The following BCL9 variants were observed in gnomAD, a reference collection of about 807,000 sequenced individuals.
BCL9 encodes the protein BCL9 transcription coactivator.
BCL9 carries 25 observed loss-of-function variants against 88.5 expected under a neutral mutation model. That is an observed-to-expected ratio of 0.28 (90% CI 0.21 to 0.39). The LOEUF (loss-of-function observed/expected upper bound fraction) is 0.39. Ranked by LOEUF, BCL9 falls within the 10% of genes least tolerant of loss-of-function variation. BCL9 has a pLI of 1.00. For missense variants in BCL9, 1,817 were observed against 1,877.8 expected, an observed-to-expected ratio of 0.97 and a Z score of 0.60; for synonymous variants, 711 against 673.3, an observed-to-expected ratio of 1.06 and a Z score of -0.87.
At chr1:147,546,943 C>T (rs587641881) in intron 1 of BCL9, among the ~76,000 whole-genome samples, 20 of 152,132 alleles carry the variant, frequency 1.3e-4, no homozygotes, top group African/African-American at 3.6e-4. Flanking sequence ...TTAAAATGGA[C>T]GGGCACTGGG....
chr1:147,613,051 A>C lies in BCL9; in HGVS notation c.222A>C (p.Lys74Asn), dbSNP rs782440646. The C allele has an allele frequency of 3.7e-6, 6 of 1,612,456 alleles. No individual in the cohort carries two copies. Among genetic ancestry groups the C allele is most frequent in the Non-Finnish European group, 5.1e-6 (6 of 1,178,946 alleles). The stretch of plus-strand genomic sequence containing the variant: ...CCAAGAGTGGGGGCCATACCCCTAA[A>C]GCACTCCCTGGCCCAGGTGGGAGCA... ...CDSKSGGHTP[K>N]ALPGPGGSMG... The change falls in exon 5 of 10, where the codon AAA becomes AAC. Residue 74 changes from lysine (K) to asparagine (N), a missense_variant. By Grantham distance (94) the Lys-to-Asn change is moderately conservative. Coordinates refer to ENST00000234739, the MANE Select transcript of BCL9 (RefSeq NM_004326.4).
intron 1 of BCL9, among the ~76,000 whole-genome samples, chr1:147,561,243 A>T (rs1005825999): frequency 1.3e-5 from 2 of 152,314 alleles, no homozygotes; most frequent in East Asian, 3.9e-4. Context: ...TTGCTAAGGG[A>T]GATGGTTTTA....
chr1:147,612,783 T>C, intron 4 of BCL9, 100 bp from the exon 5 acceptor site: 2 of 1,227,934 alleles, frequency 1.6e-6, no homozygotes, highest in Non-Finnish European at 2.3e-6. Flanking sequence ...ATTTTAGTCC[T>C]AAGGGTCTCC....
intron 2 of BCL9, among the ~76,000 whole-genome samples, chr1:147,605,693 G>T (rs2101598554): frequency 6.6e-6 from 1 of 152,292 alleles, no homozygotes; most frequent in African/African-American, 2.4e-5. Context: ...GGAAAGATTG[G>T]TTTTTCCTAT....
At chr1:147,612,012 G>A in intron 4 of BCL9, 123 bp downstream of exon 4, 2 of 948,186 alleles carry the variant, frequency 2.1e-6, no homozygotes, top group African/African-American at 1.6e-5. Context: ...GGGAAAGGAA[G>A]AGAAAATAGA....
At chr1:147,572,997 G>C (rs980325789) in intron 1 of BCL9, among the ~76,000 whole-genome samples, 2 of 152,220 alleles carry the variant, frequency 1.3e-5, no homozygotes, top group Non-Finnish European at 2.9e-5. Context: ...GTGTGTTTCT[G>C]TATGTGTGTA....
Position 147,624,963 on chromosome 1 carries a change from G to T in BCL9, c.*4G>T, listed in dbSNP as rs781989208. On this transcript the variant is annotated 3_prime_UTR_variant, in exon 10 of 10. Coordinates refer to ENST00000234739, the MANE Select transcript of BCL9 (RefSeq NM_004326.4). This position sits in a 1 kb window ranked among gnomAD's most constrained non-coding sequence, Gnocchi z 4.4. ...CCCAGGAAACATGATGTTTTAAGCT[G>T]CTAAGATGGGATGTGCCGATCCTTG... 7 of 1,602,068 alleles carry T rather than the reference G, an allele frequency of 4.4e-6. No individual in the cohort carries two copies. The highest frequency in any genetic ancestry group is 6.0e-6 in the Non-Finnish European group (7 of 1,170,632).
chr1:147,558,917 A>G (rs587756520), intron 1 of BCL9, among the ~76,000 whole-genome samples: 8 of 152,150 alleles, frequency 5.3e-5, no homozygotes, highest in Admixed American at 1.3e-4. Context: ...TTTTTCCAGC[A>G]CCTCATCACA....
chr1:147,623,943 T>A lies in BCL9; in HGVS notation c.3265T>A (p.Ser1089Thr), dbSNP rs782372215. ...GGGAATGACCCAGCCACTTTCTCAC[T>A]CCAATCAGATGCCCTCTCCAAATGC... ...PMGMTQPLSH[S>T]NQMPSPNAVG... The change falls in exon 10 of 10, where the codon TCC becomes ACC. Residue 1089 changes from serine (S) to threonine (T), a missense_variant. Ser to Thr is a moderately conservative substitution (Grantham distance 58, BLOSUM62 1). Around this residue, in one of 2 missense-constraint regions of BCL9, gnomAD observed 589 missense variants for 686.2 expected, o/e 0.86. Coordinates refer to ENST00000234739, the MANE Select transcript of BCL9 (RefSeq NM_004326.4). 16 of 1,614,154 alleles carry A rather than the reference T, an allele frequency of 9.9e-6. No homozygotes were observed. The Admixed American group carries it at 2.3e-4, about 24-fold the overall frequency.
chr1:147,598,457 G>T (rs1364904170), intron 1 of BCL9, among the ~76,000 whole-genome samples: 2 of 152,176 alleles, frequency 1.3e-5, no homozygotes, highest in Non-Finnish European at 2.9e-5. Context: ...AGTTTTAAAT[G>T]ATTTCGAAAG....
intron 5 of BCL9, 61 bp from the exon 6 acceptor site, chr1:147,614,366 A>G: frequency 3.3e-6 from 5 of 1,537,168 alleles, no homozygotes; most frequent in Non-Finnish European, 4.5e-6. Context: ...GTGATGCTAT[A>G]TATGCTGGCA....
At position 147,622,259 on chromosome 1, in the gene BCL9, G is replaced by T; in HGVS notation, c.2903-12G>T. 1 of 1,613,450 alleles carries T rather than the reference G, an allele frequency of 6.2e-7. No individual in the cohort carries two copies. The highest frequency in any genetic ancestry group is 8.5e-7 in the Non-Finnish European group (1 of 1,179,680). ...TTCCCTGCCCGTTTTGTTTTATTTT[G>T]CTTCCTTTTAGGTGGCCCCCCACCT... On this transcript the variant is annotated splice_polypyrimidine_tract_variant and intron_variant, in intron 8 of 9. Transcript: ENST00000234739.
Position 147,625,772 on chromosome 1 carries a change from C to T in BCL9, c.*813C>T, listed in dbSNP as rs782373237. The T allele has an allele frequency of 3.4e-5, 8 of 233,036 alleles. No homozygotes were observed. Among genetic ancestry groups the T allele is most frequent in the Admixed American group, 5.6e-5 (1 of 17,738 alleles). 14.4% of individuals were successfully genotyped at this position (233,036 alleles called of 1,614,324 possible). On this transcript the variant is annotated 3_prime_UTR_variant, in exon 10 of 10. Coordinates refer to ENST00000234739, the MANE Select transcript of BCL9 (RefSeq NM_004326.4). ...AAGTGTTTCCTTCCTTTGTGCCCCC[C>T]GCTGGTGACCCTCTGCTTCCCTCTC...
rs782325890 is a variant in BCL9 at position 147,624,694 on chromosome 1, C to G, written c.4016C>G (p.Ser1339Cys). 2 of 1,614,190 alleles carry G rather than the reference C, an allele frequency of 1.2e-6. No individual in the cohort carries two copies. Among genetic ancestry groups the G allele is most frequent in the Admixed American group, 1.7e-5 (1 of 60,032 alleles). Reference sequence around the variant, plus strand: ...CATCGGATGATGTCACCAGCACAATCTACAATGCCCGGCCAGCCCACCCTG... The same window carrying G: ...CATCGGATGATGTCACCAGCACAATGTACAATGCCCGGCCAGCCCACCCTG... ...PHHRMMSPAQSTMPGQPTLMS... is the reference protein window; with the variant it reads ...PHHRMMSPAQCTMPGQPTLMS... The change falls in exon 10 of 10, where the codon TCT becomes TGT. Residue 1339 changes from serine to cysteine, a missense_variant. By Grantham distance (112) the Ser-to-Cys change is moderately radical. Coordinates refer to ENST00000234739, the MANE Select transcript of BCL9 (RefSeq NM_004326.4). This position sits in a 1 kb window ranked among gnomAD's most constrained non-coding sequence, Gnocchi z 4.4.
chr1:147,620,180 C>A lies in BCL9; in HGVS notation c.2025C>A (p.Pro675=). 6.2e-7 allele frequency: 1 copy of A among 1,614,054 alleles called. No individual in the cohort carries two copies. Among genetic ancestry groups the A allele is most frequent in the Admixed American group, 1.7e-5 (1 of 60,024 alleles). ...SQRHMEPGNN[P]IFPRIPVEGP... ...GCCACATGGAGCCTGGGAATAACCC[C>A]ATTTTCCCTCGAATACCAGTTGAGG... is the stretch of plus-strand genomic sequence containing the variant. The change falls in exon 8 of 10, where the codon CCC becomes CCA. Residue 675 remains proline (P), a synonymous_variant. Transcript: ENST00000234739.
chr1:147,617,709 C>G (rs1658360105), intron 7 of BCL9, among the ~76,000 whole-genome samples: 1 of 152,078 alleles, frequency 6.6e-6, no homozygotes. Flanking sequence ...GGTAAACATT[C>G]CAGAGAGTAG....
In BCL9 at chr1:147,623,870, A is replaced by C; in HGVS notation, c.3192A>C (p.Arg1064=). The C allele has an allele frequency of 6.2e-7, 1 of 1,613,880 alleles. No individual in the cohort carries two copies. Among genetic ancestry groups the C allele is most frequent in the Middle Eastern group, 1.6e-4 (1 of 6,062 alleles). The change falls in exon 10 of 10, where the codon CGA becomes CGC. Residue 1064 remains arginine (R), a synonymous_variant. Transcript: ENST00000234739. ...PGMGINTQNP[R]ISGPNPVVPM... is the part of the protein sequence containing the mutation. Reference sequence around the variant, plus strand: ...TGGGCATTAATACACAGAATCCTCGAATTTCAGGTCCAAACCCCGTGGTTC... The same window carrying C: ...TGGGCATTAATACACAGAATCCTCGCATTTCAGGTCCAAACCCCGTGGTTC...
chr1:147,622,671 T>C lies in BCL9; in HGVS notation c.3163+140T>C, dbSNP rs1007261075. 3.3e-5 allele frequency: 36 copies of C among 1,098,284 alleles called. 1 individual carries two copies. The highest frequency in any genetic ancestry group is 4.5e-5 in the Non-Finnish European group (35 of 783,866). 68.0% of individuals were successfully genotyped at this position (1,098,284 alleles called of 1,614,324 possible). A position where few individuals can be genotyped will look rare whatever the true frequency, so the allele number is the denominator to read the frequency against. The stretch of plus-strand genomic sequence containing the variant: ...AATCTTCCATCTAAGGTAGTTTCAG[T>C]AGAATGAAAGTGTCTTGACTAGAGG... On this transcript the variant is annotated intron_variant, in intron 9 of 9. Coordinates refer to ENST00000234739, the MANE Select transcript of BCL9 (RefSeq NM_004326.4).
chr1:147,602,462 C>T (rs1426716580), intron 1 of BCL9, among the ~76,000 whole-genome samples: 2 of 151,882 alleles, frequency 1.3e-5, no homozygotes, highest in East Asian at 1.9e-4. Flanking sequence ...CGCCTGCCTC[C>T]GCCTCCCAAA....
Sources: gnomAD v4.1 joint callset for allele counts (sites outside exome capture counted in the v4.1 genomes callset) on GRCh38, gnomAD v4.1.1 for gene constraint, gnomAD v4.1.1 regional missense constraint, Gnocchi (gnomAD v3.1) non-coding constraint, MANE v1.5 for transcripts, NCBI Gene and HGNC (gene_info 2026-07-23, HGNC 2026-07-21) for gene names.